Variants in ADCY10 observed in about 807,000 individuals in gnomAD.
The protein encoded by ADCY10 is adenylate cyclase 10.
A neutral mutation model predicts 183.3 loss-of-function variants in ADCY10; 156 were observed. That is an observed-to-expected ratio of 0.85 (90% CI 0.75 to 0.97). The LOEUF is 0.97. ADCY10 is among the 50% of genes least tolerant of loss of function. The pLI is 0.00. For synonymous variants in ADCY10, 645 were observed against 670.0 expected, an observed-to-expected ratio of 0.96 and a Z score of 0.58; for missense variants, 1,745 against 1,934.3, an observed-to-expected ratio of 0.90 and a Z score of 1.84.
At chr1:167,813,375 A>C (rs746832723) in intron 31 of ADCY10, among the ~76,000 whole-genome samples, 47 of 152,030 alleles carry the variant, frequency 3.1e-4, no homozygotes, top group Admixed American at 6.6e-4. Context: ...ACAAAAAAAA[A>C]CCCGTCAACC....
intron 14 of ADCY10, among the ~76,000 whole-genome samples, chr1:167,864,338 A>G (rs1163649707): frequency 6.6e-6 from 1 of 152,184 alleles, no homozygotes; most frequent in East Asian, 1.9e-4. Flanking sequence ...CGGTGTTACT[A>G]TGACACTAGA....
chr1:167,878,670 A>G, intron 11 of ADCY10, 35 bp from the exon 12 acceptor site: 1 of 1,593,224 alleles, frequency 6.3e-7, no homozygotes, highest in South Asian at 1.1e-5. Context: ...AGATCAGGGA[A>G]ATAACAGGCA....
chr1:167,871,076 T>C (rs1353138425), intron 13 of ADCY10, among the ~76,000 whole-genome samples: 1 of 152,106 alleles, frequency 6.6e-6, no homozygotes, highest in African/African-American at 2.4e-5. Flanking sequence ...TGTTTTTTTT[T>C]GTTTTTTGTT....
At chr1:167,853,297 A>G (rs1162214074) in intron 18 of ADCY10, among the ~76,000 whole-genome samples, 1 of 152,116 alleles carries the variant, frequency 6.6e-6, no homozygotes, top group Non-Finnish European at 1.5e-5. Context: ...GTTTTTCCCT[A>G]TTCCTCCTGC....
chr1:167,910,544 T>C lies in ADCY10; in HGVS notation c.-59+3432A>G, dbSNP rs562877106. Among the ~76,000 whole-genome samples, 4 of 152,292 alleles carry C rather than the reference T, an allele frequency of 2.6e-5. No homozygotes were observed. The South Asian group carries it at 8.3e-4, about 32-fold the overall frequency. ...GGGACCCTGCAATCAAAGAACAACTTCCCTACCTTCTCCTTGAGGTAGAAA... is the reference window on the plus strand; with the variant it reads ...GGGACCCTGCAATCAAAGAACAACTCCCCTACCTTCTCCTTGAGGTAGAAA... On this transcript the variant is annotated intron_variant, in intron 1 of 32. Transcript: ENST00000367851.
At chr1:167,899,259 A>G (rs1669223053) in intron 6 of ADCY10, among the ~76,000 whole-genome samples, 164 bp downstream of exon 6, 1 of 152,210 alleles carries the variant, frequency 6.6e-6, no homozygotes, top group Non-Finnish European at 1.5e-5. Context: ...CTCCTCCCAG[A>G]GGAGCTGCCC....
chr1:167,830,653 C>T (rs1000606397), intron 25 of ADCY10, among the ~76,000 whole-genome samples: 31 of 152,178 alleles, frequency 2.0e-4, no homozygotes, highest in Admixed American at 1.0e-3. Context: ...CTCAGCCTCC[C>T]GAAGTGCTGG....
chr1:167,810,682 G>T, intron 32 of ADCY10, 43 bp downstream of exon 32: 1 of 1,599,650 alleles, frequency 6.3e-7, no homozygotes. Flanking sequence ...TTCTTTATAT[G>T]GGTGAGCATC....
chr1:167,894,780 G>T lies in ADCY10; in HGVS notation c.740-839C>A, dbSNP rs575243970. On this transcript the variant is annotated intron_variant, in intron 7 of 32. Transcript: ENST00000367851. ...AGATCCCCAGATTTGTAGGTAGTTG[G>T]TCAGAAGTGCCGGTGGTCTGGGGAT... is the stretch of plus-strand genomic sequence containing the variant. Among the ~76,000 whole-genome samples the T allele has an allele frequency of 4.1e-4, 63 of 152,284 alleles. 2 individuals carry two copies. The East Asian group carries it at 0.011, about 28-fold the overall frequency.
At chr1:167,861,344 CCT>C (rs1666274653) in intron 14 of ADCY10, among the ~76,000 whole-genome samples, 1 of 152,186 alleles carries the variant, frequency 6.6e-6, no homozygotes, top group African/African-American at 2.4e-5. Context: ...AGGTCATGAC[CCT>C]CTGACTGGGA....
In ADCY10 at chr1:167,846,219, TTTG is replaced by T. The variant is rs1665017787; in HGVS notation, c.2479_2481del (p.Gln827del). 6.2e-7 allele frequency: 1 copy of T among 1,614,012 alleles called. No individual in the cohort carries two copies. The highest frequency in any genetic ancestry group is 8.5e-7 in the Non-Finnish European group (1 of 1,180,042). On this transcript the variant is annotated inframe_deletion, in exon 20 of 33. Coordinates refer to ENST00000367851, the MANE Select transcript of ADCY10 (RefSeq NM_018417.6). ...ATGATGGCAGCACATCTCACCAGCA[TTTG>T]GTGGGAAAGTCTCATGCTATCCAGC...
intron 14 of ADCY10, among the ~76,000 whole-genome samples, chr1:167,863,235 C>G (rs1384331982): frequency 6.6e-6 from 1 of 152,168 alleles, no homozygotes; most frequent in African/African-American, 2.4e-5. Flanking sequence ...AGTTAAAATT[C>G]GACCCCTGAC....
chr1:167,905,462 G>A (rs1057214570), intron 1 of ADCY10, among the ~76,000 whole-genome samples: 3 of 152,232 alleles, frequency 2.0e-5, no homozygotes, highest in African/African-American at 7.2e-5. Flanking sequence ...TTTGCAGGAA[G>A]GGGTAGGCCC....
chr1:167,900,763 C>T (rs1669361589), intron 5 of ADCY10, among the ~76,000 whole-genome samples: 1 of 152,172 alleles, frequency 6.6e-6, no homozygotes, highest in South Asian at 2.1e-4. Context: ...AACTCCTGAC[C>T]TCAGGTGATC....
chr1:167,878,651 G>T lies in ADCY10; in HGVS notation c.1217-16C>A. On this transcript the variant is annotated splice_polypyrimidine_tract_variant and intron_variant, in intron 11 of 32. Transcript: ENST00000367851. The stretch of plus-strand genomic sequence containing the variant: ...TGACCAATGACTATAGCAAGAAAGA[G>T]AAAGTCAAAGATCAGGGAAATAACA... 1 of 1,611,136 alleles carries T rather than the reference G, an allele frequency of 6.2e-7. No individual in the cohort carries two copies. The highest frequency in any genetic ancestry group is 8.5e-7 in the Non-Finnish European group (1 of 1,177,712).
chr1:167,860,861 A>G lies in ADCY10; in HGVS notation c.1809+10T>C. On this transcript the variant is annotated intron_variant, in intron 15 of 32. Transcript: ENST00000367851. ...GCTATTTGTGCAGAAGTATAATACT[A>G]GCTAGTTACCTGAACATGGAAAATG... is the stretch of plus-strand genomic sequence containing the variant. The G allele has an allele frequency of 6.2e-7, 1 of 1,611,578 alleles. No homozygotes were observed. Among genetic ancestry groups the G allele is most frequent in the South Asian group, 1.1e-5 (1 of 91,012 alleles).
rs11577012 is a variant in ADCY10, at chr1:167,848,172, T to G, written c.2437+189A>C. 0.084 allele frequency among the ~76,000 whole-genome samples: 12,749 copies of G among 151,994 alleles called. 737 individuals carry two copies. The highest frequency in any genetic ancestry group is 0.18 in the Middle Eastern group (53 of 294). ...CCCAGGTTCAAGCAATTCTCCTGCC[T>G]CAGCTTCCCGAGTAGCTGGGATTAC... On this transcript the variant is annotated intron_variant, in intron 19 of 32. Coordinates refer to ENST00000367851, the MANE Select transcript of ADCY10 (RefSeq NM_018417.6).
At chr1:167,877,178 T>A (rs555505108) in intron 12 of ADCY10, among the ~76,000 whole-genome samples, 1 of 151,416 alleles carries the variant, frequency 6.6e-6, no homozygotes, top group East Asian at 1.9e-4. Context: ...CATAGACAAG[T>A]CATTTAACAT....
chr1:167,903,234 A>C lies in ADCY10; in HGVS notation c.253+653T>G, dbSNP rs1308106835. Among the ~76,000 whole-genome samples the C allele has an allele frequency of 2.4e-4, 35 of 143,054 alleles. No individual in the cohort carries two copies. In the East Asian group the frequency reaches 2.6e-3, roughly 10 times the overall value. 93.8% of individuals were successfully genotyped at this position (143,054 alleles called of 152,430 possible). A position where few individuals can be genotyped will look rare whatever the true frequency, so the allele number is the denominator to read the frequency against. On this transcript the variant is annotated intron_variant, in intron 3 of 32. Transcript: ENST00000367851. ...TCGTGCCACTGCACTCCAGCCTGGG[A>C]GACAGAGTGAGACTCTGACTCAAAA...
Sources: gnomAD v4.1 joint callset for allele counts (sites outside exome capture counted in the v4.1 genomes callset) on GRCh38, gnomAD v4.1.1 for gene constraint, MANE v1.5 for transcripts, NCBI Gene and HGNC (gene_info 2026-07-23, HGNC 2026-07-21) for gene names.